KDM3A: variants seen among roughly 807,000 people sequenced by gnomAD.
The protein encoded by KDM3A is lysine demethylase 3A.
A neutral mutation model predicts 158.0 loss-of-function variants in KDM3A; 60 were observed. That is an observed-to-expected ratio of 0.38 (90% CI 0.31 to 0.47). The LOEUF is 0.47. KDM3A is among the 20% of genes least tolerant of loss of function. KDM3A has a pLI of 0.99. For synonymous variants in KDM3A, 608 were observed against 549.3 expected (o/e 1.11, Z -1.49); for missense variants, 1,319 against 1,574.3 (o/e 0.84, Z 2.74).
chr2:86,462,505 A>ATT (rs1344741167), intron 8 of KDM3A, among the ~76,000 whole-genome samples: 1 of 152,190 alleles, frequency 6.6e-6, no homozygotes, highest in Non-Finnish European at 1.5e-5. Flanking sequence ...AAATTTCCTC[A>ATT]TTTAAAGGAT....
chr2:86,440,536 T>C (rs1682639376), upstream of KDM3A: 1 of 152,234 alleles, frequency 6.6e-6, no homozygotes, highest in Admixed American at 6.5e-5. Context: ...TCAACTACTT[T>C]AAATTTCTTT....
At position 86,484,840 on chromosome 2, in the gene KDM3A, ATATTT is replaced by A. The variant is rs773644896; in HGVS notation, c.3095-96_3095-92del. 67 of 631,194 alleles carry A rather than the reference ATATTT, an allele frequency of 1.1e-4. 1 individual carries two copies. The highest frequency in any genetic ancestry group is 1.4e-4 in the East Asian group (5 of 36,116). The allele number at this position is 631,194 out of a possible 1,614,324, so 39.1% of individuals were successfully genotyped here. A position where few individuals can be genotyped will look rare whatever the true frequency, so the allele number is the denominator to read the frequency against. On this transcript the variant is annotated intron_variant, in intron 19 of 25. Coordinates refer to ENST00000312912, the MANE Select transcript of KDM3A (RefSeq NM_018433.6). ...CAGGTTATGAAAATTTTGCAGAGAC[ATATTT>A]TATTTGTATTGTTGAGGCATAAAAT...
intron 10 of KDM3A, among the ~76,000 whole-genome samples, chr2:86,467,848 C>T (rs964907646): frequency 1.3e-5 from 2 of 151,798 alleles, no homozygotes; most frequent in Admixed American, 6.6e-5. Context: ...TAGTGAGACC[C>T]CATCTCCACA....
At chr2:86,447,149 T>A (rs948499878) in intron 2 of KDM3A, among the ~76,000 whole-genome samples, 4 of 152,220 alleles carry the variant, frequency 2.6e-5, no homozygotes, top group African/African-American at 9.6e-5. Flanking sequence ...TTGAACAATA[T>A]TGAAGAAAGC....
chr2:86,442,371 C>CTT (rs1558599755), intron 2 of KDM3A, 138 bp downstream of exon 2: 11 of 799,500 alleles, frequency 1.4e-5, no homozygotes, highest in Non-Finnish European at 2.1e-5. Flanking sequence ...GAAGCTAGAT[C>CTT]TTGAAAGTCT....
chr2:86,442,426 C>G (rs1914770), intron 2 of KDM3A, 193 bp downstream of exon 2: 49,109 of 568,124 alleles, frequency 0.086, 2,867 homozygotes, highest in Non-Finnish European at 0.11. Context: ...CCCACAGCTC[C>G]TGGCTGCCTG....
At chr2:86,439,459 T>C (rs528129418), upstream of KDM3A, among the ~76,000 whole-genome samples, 1 of 152,064 alleles carries the variant, frequency 6.6e-6, no homozygotes, top group African/African-American at 2.4e-5. Flanking sequence ...GTGAAACGGT[T>C]TTATAACTTT....
intron 5 of KDM3A, 122 bp downstream of exon 5, chr2:86,455,309 T>G (rs1672643864): frequency 1.7e-6 from 1 of 601,260 alleles, no homozygotes. Flanking sequence ...TTTTTTTTTT[T>G]GAGACAGTCT....
At chr2:86,440,793 T>A (rs747464959), upstream of KDM3A, 7 of 152,266 alleles carry the variant, frequency 4.6e-5, no homozygotes, top group Non-Finnish European at 5.9e-5. Flanking sequence ...CGCACGAGCC[T>A]CCAGAGCACT....
chr2:86,466,620 C>T lies in KDM3A; in HGVS notation c.1256C>T (p.Pro419Leu). ...ACTGGCCTTCCTAAGGAGTGCTTAC[C>T]TACAAAGGCTTCTTCTAAGGCAGAA... is the stretch of plus-strand genomic sequence containing the variant. ...ALTGLPKECL[P>L]TKASSKAELE... is the part of the protein sequence containing the mutation. Residue 419 changes from proline (P) to leucine (L), a missense_variant, in exon 10 of 26, where the codon CCT becomes CTT. Transcript: ENST00000312912. 6.2e-7 allele frequency: 1 copy of T among 1,613,968 alleles called. No individual in the cohort carries two copies. Among genetic ancestry groups the T allele is most frequent in the African/African-American group, 1.3e-5 (1 of 75,034 alleles).
Position 86,470,288 on chromosome 2 carries a change from C to G in KDM3A, c.1604C>G (p.Ser535Cys), listed in dbSNP as rs758439890. ...QSGEAFVQDD[S>C]CVNIVAQLPK... ...GGCGAGGCCTTCGTACAGGATGATT[C>G]TTGTGTGAACATCGTGGCACAGTTG... Residue 535 changes from serine (S) to cysteine (C), a missense_variant, in exon 11 of 26, where the codon TCT (serine) becomes TGT (cysteine). Physicochemically the swap from Ser to Cys is moderately radical, Grantham distance 112. Around this residue, in one of 4 missense-constraint regions of KDM3A, gnomAD observed 652 missense variants for 627.2 expected, o/e 1.04. Transcript: ENST00000312912. 4.2e-5 allele frequency: 67 copies of G among 1,614,088 alleles called. No individual in the cohort carries two copies. Among genetic ancestry groups the G allele is most frequent in the Non-Finnish European group, 4.7e-5 (55 of 1,179,970 alleles).
At position 86,451,115 on chromosome 2, in the gene KDM3A, C is replaced by T. The variant is rs1454815366; in HGVS notation, c.355C>T (p.Leu119=). The T allele has an allele frequency of 6.2e-7, 1 of 1,606,792 alleles. No homozygotes were observed. The highest frequency in any genetic ancestry group is 8.5e-7 in the Non-Finnish European group (1 of 1,177,492). The stretch of plus-strand genomic sequence containing the variant: ...TCTTTTGTTTTAGACGTACAAACCT[C>T]TGTTGGACAAAGCTGGTTTGGGATC... The part of the protein sequence containing the change: ...VQWPAITYKP[L]LDKAGLGSIT... Residue 119 remains leucine (L), a synonymous_variant, in exon 4 of 26, where the codon CTG becomes TTG. Coordinates refer to ENST00000312912, the MANE Select transcript of KDM3A (RefSeq NM_018433.6).
intron 21 of KDM3A, chr2:86,487,016 GCT>G (rs1674210915): frequency 6.6e-6 from 1 of 152,244 alleles, no homozygotes; most frequent in African/African-American, 2.4e-5. Context: ...TCTGCAGTGT[GCT>G]CTCTCGAGGT....
At chr2:86,450,065 T>C (rs1672376936) in intron 3 of KDM3A, 103 bp downstream of exon 3, 2 of 1,209,748 alleles carry the variant, frequency 1.7e-6, no homozygotes, top group South Asian at 3.1e-5. Flanking sequence ...TCAGAAAAGC[T>C]CCCAGGATCT....
At chr2:86,440,787 C>G (rs537956602), upstream of KDM3A, 369 of 152,390 alleles carry the variant, frequency 2.4e-3, no homozygotes, top group African/African-American at 8.3e-3. Flanking sequence ...CGCCTGCGCA[C>G]GAGCCTCCAG....
intron 9 of KDM3A, among the ~76,000 whole-genome samples, chr2:86,465,374 G>A (rs563796262): frequency 6.6e-6 from 1 of 152,196 alleles, no homozygotes; most frequent in African/African-American, 2.4e-5. Flanking sequence ...TTGTGCTGCT[G>A]CCAGTTTGTT....
upstream of KDM3A, among the ~76,000 whole-genome samples, chr2:86,438,474 T>C (rs1682528229): frequency 6.6e-6 from 1 of 151,876 alleles, no homozygotes; most frequent in South Asian, 2.1e-4. Context: ...TATTTGAAAA[T>C]TGCTAAGAGT....
rs1377039146 is a variant in KDM3A, at chr2:86,467,002, A to G, written c.1519+119A>G. On this transcript the variant is annotated intron_variant, in intron 10 of 25. Transcript: ENST00000312912. ...CTTTGTAGAAATAGTTTATACAGTC[A>G]GAAAAGTTGAAAGAAGGTATAATTC... is the stretch of plus-strand genomic sequence containing the variant. 1.5e-5 allele frequency: 13 copies of G among 854,722 alleles called. No homozygotes were observed. In the Admixed American group the frequency reaches 3.9e-4, roughly 26 times the overall value. 52.9% of individuals were successfully genotyped at this position (854,722 alleles called of 1,614,324 possible). A position where few individuals can be genotyped will look rare whatever the true frequency, so the allele number is the denominator to read the frequency against.
intron 2 of KDM3A, chr2:86,443,601 G>C (rs1410331026): frequency 6.6e-6 from 1 of 152,146 alleles, no homozygotes; most frequent in Non-Finnish European, 1.5e-5. Flanking sequence ...TAAGCATCTT[G>C]CCAAGGACAC....
Sources: allele counts gnomAD v4.1 joint callset (sites outside exome capture counted in the v4.1 genomes callset), GRCh38; gene constraint gnomAD v4.1.1; regional missense constraint gnomAD v4.1.1; transcripts MANE v1.5; gene names NCBI Gene and HGNC (gene_info 2026-07-23, HGNC 2026-07-21).